The following CRYBG1 variants were observed in gnomAD, a reference collection of about 807,000 sequenced individuals.
The protein encoded by CRYBG1 is crystallin beta-gamma domain containing 1.
Under a neutral mutation model 189.2 loss-of-function variants are expected in CRYBG1, and 139 were observed. The observed-to-expected ratio is 0.73, with a 90% CI of 0.64 to 0.85. CRYBG1 has a LOEUF of 0.85. Ranked by LOEUF, CRYBG1 falls within the 40% of genes least tolerant of loss-of-function variation. The pLI is 0.00. For missense variants in CRYBG1, 2,611 were observed against 2,675.8 expected (o/e 0.98, Z 0.53); for synonymous variants, 1,023 against 1,017.1 (o/e 1.01, Z -0.11).
At chr6:106,434,694 C>A (rs1222025557) in intron 1 of CRYBG1, among the ~76,000 whole-genome samples, 1 of 152,196 alleles carries the variant, frequency 6.6e-6, no homozygotes, top group Non-Finnish European at 1.5e-5. Context: ...AGTAAAGCAG[C>A]CATGGACATG....
chr6:106,366,906 G>A (rs1772010926), intron 1 of CRYBG1, among the ~76,000 whole-genome samples: 1 of 152,182 alleles, frequency 6.6e-6, no homozygotes, highest in African/African-American at 2.4e-5. Context: ...AAAAACTTCA[G>A]AGGCCCAGAA....
chr6:106,561,711 C>T (rs1774725235), intron 20 of CRYBG1, among the ~76,000 whole-genome samples: 1 of 152,076 alleles, frequency 6.6e-6, no homozygotes, highest in African/African-American at 2.4e-5. Context: ...TAGCACTGAT[C>T]CAAGATAGAA....
chr6:106,366,786 G>A (rs1174875073), intron 1 of CRYBG1, among the ~76,000 whole-genome samples: 1 of 152,254 alleles, frequency 6.6e-6, no homozygotes, highest in Non-Finnish European at 1.5e-5. Context: ...ATAGAGGAAA[G>A]GTGGTGGTCA....
At chr6:106,526,941 CAAAAAA>C (rs35768853) in intron 6 of CRYBG1, among the ~76,000 whole-genome samples, 1 of 88,386 alleles carries the variant, frequency 1.1e-5, no homozygotes, top group African/African-American at 4.8e-5. Flanking sequence ...ACTCTGTATC[CAAAAAA>C]AAAAAAAAAA....
chr6:106,434,788 T>C (rs1488819802), intron 1 of CRYBG1, among the ~76,000 whole-genome samples: 2 of 152,246 alleles, frequency 1.3e-5, no homozygotes, highest in East Asian at 1.9e-4. Flanking sequence ...CCTGCAGGCC[T>C]TAGTGTGCTA....
intron 18 of CRYBG1, 33 bp downstream of exon 18, chr6:106,558,658 G>C: frequency 6.5e-7 from 1 of 1,549,142 alleles, no homozygotes; most frequent in Non-Finnish European, 8.7e-7. Flanking sequence ...CAATAAAATA[G>C]ATCATTTTAA....
intron 1 of CRYBG1, among the ~76,000 whole-genome samples, chr6:106,420,206 G>A (rs887970849): frequency 3.3e-5 from 5 of 152,134 alleles, no homozygotes; most frequent in African/African-American, 9.7e-5. Flanking sequence ...AAAAATATAA[G>A]CATACAGGAG....
At chr6:106,501,850 A>T (rs1343865381) in intron 2 of CRYBG1, among the ~76,000 whole-genome samples, 2 of 152,234 alleles carry the variant, frequency 1.3e-5, no homozygotes, top group African/African-American at 2.4e-5. Flanking sequence ...AAAGATAAAG[A>T]TTGTTCCATT....
At chr6:106,363,433 C>A (rs1056383998) in intron 1 of CRYBG1, among the ~76,000 whole-genome samples, 5 of 152,056 alleles carry the variant, frequency 3.3e-5, no homozygotes, top group Admixed American at 6.5e-5. Context: ...GTTAGATCAT[C>A]TTTATAAATA....
At chr6:106,513,379 T>TGTTCCAAG (rs1431926832) in intron 3 of CRYBG1, among the ~76,000 whole-genome samples, 2 of 151,978 alleles carry the variant, frequency 1.3e-5, no homozygotes, top group Non-Finnish European at 2.9e-5. Context: ...TGTACAAGGG[T>TGTTCCAAG]GTTCCAAGGT....
In CRYBG1 at chr6:106,478,855, A is replaced by G. The variant is rs538159582; in HGVS notation, c.312+27023A>G. Among the ~76,000 whole-genome samples the G allele has an allele frequency of 2.4e-3, 363 of 152,320 alleles. 1 individual carries two copies. Among genetic ancestry groups the G allele is most frequent in the South Asian group, 8.5e-3 (41 of 4,830 alleles). ...CTGTTGTGAACTGTGTGTGCAAGGG[A>G]TCTAGATTGCATGCTCCTTAAGAGA... On this transcript the variant is annotated intron_variant, in intron 2 of 21. Coordinates refer to ENST00000633556, the MANE Select transcript of CRYBG1 (RefSeq NM_001371242.2).
chr6:106,416,213 T>C (rs982933806), intron 1 of CRYBG1, among the ~76,000 whole-genome samples: 1 of 152,130 alleles, frequency 6.6e-6, no homozygotes, highest in African/African-American at 2.4e-5. Flanking sequence ...TCAATACCAC[T>C]CCCACTGTGG....
At chr6:106,375,795 T>C (rs1468273053) in intron 1 of CRYBG1, among the ~76,000 whole-genome samples, 3 of 152,220 alleles carry the variant, frequency 2.0e-5, no homozygotes, top group Admixed American at 2.0e-4. Context: ...CCTTCACCCC[T>C]GTGGGTGTAC....
In CRYBG1 at chr6:106,512,789, G is replaced by T; in HGVS notation, c.1672G>T (p.Glu558Ter). The T allele has an allele frequency of 6.3e-7, 1 of 1,580,370 alleles. No homozygotes were observed. Among genetic ancestry groups the T allele is most frequent in the Middle Eastern group, 1.7e-4 (1 of 5,890 alleles). ...CCCAGTCACCAAGGGCACTGCGGCC[G>T]AGAGCGGGGAGGAGGCGGCGCGGGC... Reference protein sequence around the residue: ...PSPVTKGTAAESGEEAARAIP... With the variant: ...PSPVTKGTAA The change falls in exon 3 of 22, where the codon GAG (glutamate) becomes TAG (stop). Residue 558 changes from glutamate to a stop codon, truncating the protein, a stop_gained. Coordinates refer to ENST00000633556, the MANE Select transcript of CRYBG1 (RefSeq NM_001371242.2). LOFTEE classifies it high-confidence loss of function.
At chr6:106,504,174 T>C (rs760723027) in intron 2 of CRYBG1, among the ~76,000 whole-genome samples, 3 of 151,626 alleles carry the variant, frequency 2.0e-5, no homozygotes, top group Non-Finnish European at 4.4e-5. Flanking sequence ...TGGTGACAAA[T>C]ATTAGAAGCA....
At chr6:106,495,716 A>G (rs1772833012) in intron 2 of CRYBG1, among the ~76,000 whole-genome samples, 1 of 151,484 alleles carries the variant, frequency 6.6e-6, no homozygotes, top group Non-Finnish European at 1.5e-5. Flanking sequence ...CTCTCATTGA[A>G]TATATTTGAG....
intron 2 of CRYBG1, among the ~76,000 whole-genome samples, chr6:106,497,155 A>G (rs768499124): frequency 2.5e-4 from 37 of 146,506 alleles, no homozygotes; most frequent in Non-Finnish European, 4.9e-4. Context: ...CACCCTCCCC[A>G]CCCCCCATGA....
At chr6:106,561,845 A>G (rs1259250895) in intron 20 of CRYBG1, among the ~76,000 whole-genome samples, 1 of 152,066 alleles carries the variant, frequency 6.6e-6, no homozygotes, top group Non-Finnish European at 1.5e-5. Flanking sequence ...AACAAAAATC[A>G]CTCTTGGTTT....
chr6:106,394,882 G>A (rs1348067952), intron 1 of CRYBG1, among the ~76,000 whole-genome samples: 1 of 145,202 alleles, frequency 6.9e-6, no homozygotes, highest in Non-Finnish European at 1.5e-5. Flanking sequence ...TTTTGAGACA[G>A]TCTTGTTCTA....
Sources: allele counts gnomAD v4.1 joint callset (sites outside exome capture counted in the v4.1 genomes callset), GRCh38; gene constraint gnomAD v4.1.1; transcripts MANE v1.5; gene names NCBI Gene and HGNC (gene_info 2026-07-23, HGNC 2026-07-21).